The following GFRA2 variants were observed in gnomAD, a reference collection of about 807,000 sequenced individuals.
GFRA2 encodes GDNF family receptor alpha-2.
A neutral mutation model predicts 48.3 loss-of-function variants in GFRA2; 17 were observed. That is an observed-to-expected ratio of 0.35 (90% CI 0.24 to 0.53). The LOEUF is 0.53. Ranked by LOEUF, GFRA2 falls within the 20% of genes least tolerant of loss-of-function variation. The probability of loss-of-function intolerance (pLI) is 0.93; values close to 1 mark genes in which losing one functional copy is unlikely to be tolerated. For missense variants in GFRA2, 660 were observed against 637.3 expected (o/e 1.04, Z -0.38); for synonymous variants, 305 against 257.2 (o/e 1.19, Z -1.78).
At chr8:21,762,815 TG>T (rs1297497367) in intron 3 of GFRA2, among the ~76,000 whole-genome samples, 1 of 152,160 alleles carries the variant, frequency 6.6e-6, no homozygotes, top group Non-Finnish European at 1.5e-5. Context: ...TTTTGGTATT[TG>T]GGGGGTTTTT....
In GFRA2 at chr8:21,757,506, C is replaced by CTTTTTTTTTTTTTTTTTT. The variant is rs5889999; in HGVS notation, c.440-6565_440-6564insAAAAAAAAAAAAAAAAAA. On this transcript the variant is annotated intron_variant, in intron 3 of 8. Coordinates refer to ENST00000524240, the MANE Select transcript of GFRA2 (RefSeq NM_001495.5). ...GATTTTTTCTTTAAATTCCTTAATC[C>CTTTTTTTTTTTTTTTTTT]TTTTTTTTGAATGGAGTTTCACTCT... Among the ~76,000 whole-genome samples, 13 of 145,714 alleles carry CTTTTTTTTTTTTTTTTTT rather than the reference C, an allele frequency of 8.9e-5. 1 individual carries two copies. The highest frequency in any genetic ancestry group is 1.5e-4 in the Non-Finnish European group (10 of 67,052).
chr8:21,807,669 T>C (rs1180390118), intron 1 of GFRA2, among the ~76,000 whole-genome samples: 1 of 152,178 alleles, frequency 6.6e-6, no homozygotes, highest in African/African-American at 2.4e-5. Context: ...GCACACCCCT[T>C]GTGTCTCCTC....
intron 4 of GFRA2, among the ~76,000 whole-genome samples, chr8:21,733,953 T>C (rs1804325580): frequency 6.6e-6 from 1 of 152,026 alleles, no homozygotes; most frequent in Non-Finnish European, 1.5e-5. Context: ...CCCTCCTTCC[T>C]GCCATTGACC....
intron 2 of GFRA2, among the ~76,000 whole-genome samples, chr8:21,800,911 G>C (rs1432107411): frequency 1.4e-5 from 2 of 142,392 alleles, no homozygotes; most frequent in African/African-American, 2.7e-5. Flanking sequence ...GGGTCACAGA[G>C]TGAGACCTGG....
intron 4 of GFRA2, chr8:21,706,247 G>C: frequency 1.5e-6 from 1 of 647,964 alleles, no homozygotes; most frequent in Non-Finnish European, 2.8e-6. Flanking sequence ...TTCCCGGAGA[G>C]ACAGGCACAT....
chr8:21,712,729 G>T (rs1182883246), intron 4 of GFRA2, among the ~76,000 whole-genome samples: 1 of 152,240 alleles, frequency 6.6e-6, no homozygotes, highest in Non-Finnish European at 1.5e-5. Flanking sequence ...TGAGCACTGA[G>T]TGAACGAGAC....
At chr8:21,751,014 A>C in intron 3 of GFRA2, 72 bp from the exon 4 acceptor site, 1 of 1,002,294 alleles carries the variant, frequency 1.0e-6, no homozygotes, top group Non-Finnish European at 1.5e-6. Context: ...CCCTCACTGG[A>C]AGATGTCTCC....
intron 4 of GFRA2, among the ~76,000 whole-genome samples, chr8:21,733,507 C>A (rs769237096): frequency 1.3e-5 from 2 of 152,168 alleles, no homozygotes; most frequent in African/African-American, 4.8e-5. Context: ...CTGCCCATTC[C>A]ATTCTTTGAG....
At chr8:21,782,376 T>C (rs1160954296) in intron 2 of GFRA2, among the ~76,000 whole-genome samples, 2 of 148,984 alleles carry the variant, frequency 1.3e-5, no homozygotes, top group East Asian at 4.1e-4. Context: ...CTGCCTCCTC[T>C]TTGTCTCTCC....
intron 3 of GFRA2, among the ~76,000 whole-genome samples, chr8:21,753,260 C>T (rs951601144): frequency 2.0e-5 from 3 of 152,208 alleles, no homozygotes; most frequent in African/African-American, 7.2e-5. Flanking sequence ...GGTCATTTCA[C>T]ATGTTCACAC....
chr8:21,694,644 G>A, intron 7 of GFRA2, 127 bp from the exon 8 acceptor site: 2 of 825,588 alleles, frequency 2.4e-6, no homozygotes, highest in Non-Finnish European at 2.0e-6. Flanking sequence ...CGCACACGGT[G>A]AAGAGGGTAG....
At chr8:21,753,493 C>G (rs1004910407) in intron 3 of GFRA2, among the ~76,000 whole-genome samples, 13 of 151,932 alleles carry the variant, frequency 8.6e-5, no homozygotes, top group African/African-American at 3.1e-4. Context: ...TGGACTACAC[C>G]CAGCTACACG....
intron 3 of GFRA2, among the ~76,000 whole-genome samples, chr8:21,766,182 A>G (rs1210810408): frequency 6.6e-6 from 1 of 151,996 alleles, no homozygotes. Context: ...TAGCTGTTCC[A>G]TCTGCCATTT....
At position 21,727,442 on chromosome 8, in the gene GFRA2, C is replaced by T. The variant is rs553142411; in HGVS notation, c.795-21401G>A. On this transcript the variant is annotated intron_variant, in intron 4 of 8. Coordinates refer to ENST00000524240, the MANE Select transcript of GFRA2 (RefSeq NM_001495.5). ...TGTGTGACCCACTGGGGCACAGATC[C>T]CAGTGTGCTCCTCTCCTCCAAGCGC... is the stretch of plus-strand genomic sequence containing the variant. Among the ~76,000 whole-genome samples, 6 of 152,286 alleles carry T rather than the reference C, an allele frequency of 3.9e-5. No individual in the cohort carries two copies. The South Asian group carries it at 1.2e-3, about 32-fold the overall frequency.
chr8:21,769,385 G>A (rs1031480346), intron 3 of GFRA2, among the ~76,000 whole-genome samples: 1 of 152,044 alleles, frequency 6.6e-6, no homozygotes, highest in African/African-American at 2.4e-5. Flanking sequence ...AGCACCTCCT[G>A]CAAAGCCATC....
At position 21,782,853 on chromosome 8, in the gene GFRA2, G is replaced by A. The variant is rs1807079444; in HGVS notation, c.87C>T (p.Pro29=). 3 of 1,568,840 alleles carry A rather than the reference G, an allele frequency of 1.9e-6. No homozygotes were observed. The highest frequency in any genetic ancestry group is 1.8e-5 in the Admixed American group (1 of 55,012). ...CTGGGGGGCGCCAGCCGTGGAGCTC[G>A]GGGCCCTGCAGGGAGGAAGGGCTGG... ...SLASPSSLQG[P]ELHGWRPPVD... The change falls in exon 2 of 9, where the codon CCC becomes CCT. Residue 29 remains proline (P), a synonymous_variant. Coordinates refer to ENST00000524240, the MANE Select transcript of GFRA2 (RefSeq NM_001495.5).
Position 21,788,792 on chromosome 8 carries a change from C to A in GFRA2, c.-633G>T. ...TAATGGAATTCCAGTGACCGTGTGT[C>A]TCTGCGTGCGTGTGTCTTTCTCTCT... On this transcript the variant is annotated 5_prime_UTR_variant, in exon 1 of 9. Transcript: ENST00000524240. The A allele has an allele frequency of 1.5e-5, 15 of 985,504 alleles. No individual in the cohort carries two copies. Among genetic ancestry groups the A allele is most frequent in the Non-Finnish European group, 1.8e-5 (15 of 830,018 alleles). The allele number at this position is 985,504 out of a possible 1,614,324, so 61.0% of individuals were successfully genotyped here. A position where few individuals can be genotyped will look rare whatever the true frequency, so the allele number is the denominator to read the frequency against.
intron 1 of GFRA2, among the ~76,000 whole-genome samples, chr8:21,786,525 C>A (rs1396463737): frequency 2.6e-5 from 4 of 152,212 alleles, no homozygotes; most frequent in Admixed American, 6.5e-5. Context: ...GTAGCCCCTT[C>A]AGAATGAGAG....
chr8:21,729,222 CG>C (rs1563232414), intron 4 of GFRA2, among the ~76,000 whole-genome samples: 1 of 152,084 alleles, frequency 6.6e-6, no homozygotes, highest in Non-Finnish European at 1.5e-5. Flanking sequence ...CCCAGCTACT[CG>C]GGAGGCTGAG....
Sources: gnomAD v4.1 joint callset for allele counts (sites outside exome capture counted in the v4.1 genomes callset) on GRCh38, gnomAD v4.1.1 for gene constraint, MANE v1.5 for transcripts, NCBI Gene and HGNC (gene_info 2026-07-23, HGNC 2026-07-21) for gene names.